Variants in MAPRE2 observed in about 807,000 individuals in gnomAD.
MAPRE2 encodes the protein microtubule associated protein RP/EB family member 2.
MAPRE2 carries 13 observed loss-of-function variants against 43.2 expected under a neutral mutation model. That is an observed-to-expected ratio of 0.30 (90% CI 0.20 to 0.48). MAPRE2 has a LOEUF of 0.48. Among genes scored for constraint, MAPRE2 ranks in the 20% least tolerant of loss-of-function variants. The pLI is 0.99. For missense variants in MAPRE2, 161 were observed against 400.2 expected (o/e 0.40, Z 5.10); for synonymous variants, 135 against 148.8 (o/e 0.91, Z 0.68).
In MAPRE2 at chr18:35,097,450, G is replaced by A. The variant is rs376861378; in HGVS notation, c.255G>A (p.Ala85=). The A allele has an allele frequency of 3.5e-5, 56 of 1,613,472 alleles. No individual in the cohort carries two copies. The highest frequency in any genetic ancestry group is 6.7e-5 in the African/African-American group (5 of 74,882). The change falls in exon 3 of 7, where the codon GCG becomes GCA. Residue 85 remains alanine, a synonymous_variant. Coordinates refer to ENST00000300249, the MANE Select transcript of MAPRE2 (RefSeq NM_014268.4). ...ACTGTTCTTGTTTCTTTCCAGGAGCGGCCTATTGCCAATTCATGGACATGC... is the reference window on the plus strand; with the variant it reads ...ACTGTTCTTGTTTCTTTCCAGGAGCAGCCTATTGCCAATTCATGGACATGC... ...YTKVEQLCSG[A]AYCQFMDMLF...
intron 4 of MAPRE2, among the ~76,000 whole-genome samples, chr18:35,117,335 A>T (rs1909459736): frequency 2.0e-5 from 3 of 152,172 alleles, no homozygotes; most frequent in Admixed American, 2.0e-4. Flanking sequence ...GAGTCTGGAT[A>T]AGATGGTGTT....
At chr18:35,097,217 C>T (rs1420419231) in intron 2 of MAPRE2, among the ~76,000 whole-genome samples, 3 of 152,136 alleles carry the variant, frequency 2.0e-5, no homozygotes, top group Admixed American at 1.3e-4. Flanking sequence ...GTACAATACA[C>T]GGAGTTTAGG....
chr18:35,050,802 T>C (rs1360211103), intron 1 of MAPRE2, among the ~76,000 whole-genome samples: 1 of 152,104 alleles, frequency 6.6e-6, no homozygotes, highest in Non-Finnish European at 1.5e-5. Context: ...GACCCCTGTG[T>C]GTGATGACGG....
chr18:35,121,002 A>G (rs1011651196), intron 4 of MAPRE2, among the ~76,000 whole-genome samples: 1 of 152,180 alleles, frequency 6.6e-6, no homozygotes, highest in Non-Finnish European at 1.5e-5. Flanking sequence ...GCACACGCTC[A>G]TGTTTTTAAT....
chr18:35,134,056 C>CA (rs1910281599), intron 6 of MAPRE2, among the ~76,000 whole-genome samples: 1 of 152,210 alleles, frequency 6.6e-6, no homozygotes, highest in Admixed American at 6.5e-5. Flanking sequence ...GTTTAGCAGA[C>CA]ACCTCTTCTG....
intron 4 of MAPRE2, among the ~76,000 whole-genome samples, chr18:35,115,688 A>G (rs1909380805): frequency 6.6e-6 from 1 of 152,216 alleles, no homozygotes; most frequent in Admixed American, 6.5e-5. Context: ...AAGTTGCTGC[A>G]AAATATATTA....
At chr18:35,083,381 G>T (rs1453049133) in intron 2 of MAPRE2, among the ~76,000 whole-genome samples, 1 of 152,068 alleles carries the variant, frequency 6.6e-6, no homozygotes, top group Non-Finnish European at 1.5e-5. Context: ...CTTCAGAATG[G>T]GTTTCATATG....
chr18:35,086,757 C>T (rs1409960020), intron 2 of MAPRE2, among the ~76,000 whole-genome samples: 1 of 151,710 alleles, frequency 6.6e-6, no homozygotes, highest in Non-Finnish European at 1.5e-5. Context: ...ACTTTCTGAG[C>T]CTTGTTCCCA....
chr18:35,105,841 G>T (rs1327547776), intron 4 of MAPRE2, among the ~76,000 whole-genome samples: 5 of 151,820 alleles, frequency 3.3e-5, no homozygotes, highest in Admixed American at 2.6e-4. Context: ...TCGTTCCATT[G>T]CCTCTCAGTA....
intron 6 of MAPRE2, among the ~76,000 whole-genome samples, chr18:35,134,827 T>C (rs1310816279): frequency 2.0e-5 from 3 of 152,226 alleles, no homozygotes; most frequent in African/African-American, 7.2e-5. Flanking sequence ...AGAACTTCAG[T>C]TTTCTTCTAG....
At chr18:35,037,753 A>G (rs1052081443), upstream of MAPRE2, among the ~76,000 whole-genome samples, 1 of 152,134 alleles carries the variant, frequency 6.6e-6, no homozygotes, top group Non-Finnish European at 1.5e-5. Context: ...GCTAGTTCAC[A>G]GTATTACAGC....
At chr18:35,100,727 T>C (rs1458669334) in intron 3 of MAPRE2, among the ~76,000 whole-genome samples, 1 of 152,178 alleles carries the variant, frequency 6.6e-6, no homozygotes, top group Non-Finnish European at 1.5e-5. Flanking sequence ...ACAACTGGGC[T>C]ACATATTACA....
At chr18:35,037,978 T>TA (rs1007549207), upstream of MAPRE2, among the ~76,000 whole-genome samples, 16 of 152,022 alleles carry the variant, frequency 1.1e-4, no homozygotes, top group African/African-American at 3.6e-4. Context: ...TGCTGAGGAG[T>TA]CACTGGTCTG....
chr18:34,988,246 A>G (rs1344354344), intron 1 of MAPRE2, among the ~76,000 whole-genome samples: 3 of 152,210 alleles, frequency 2.0e-5, no homozygotes, highest in Non-Finnish European at 4.4e-5. Context: ...AAAGTAACAA[A>G]AAGAGTCCAT....
chr18:34,979,674 C>CA (rs957690857), intron 1 of MAPRE2, among the ~76,000 whole-genome samples: 1 of 151,850 alleles, frequency 6.6e-6, no homozygotes, highest in African/African-American at 2.4e-5. Context: ...ATTTTGCATA[C>CA]AAAAAAGTCA....
chr18:35,100,033 A>G (rs1908602057), intron 3 of MAPRE2, among the ~76,000 whole-genome samples: 1 of 152,202 alleles, frequency 6.6e-6, no homozygotes, highest in Non-Finnish European at 1.5e-5. Flanking sequence ...TAATTTCTAT[A>G]GCTTCCATTC....
chr18:35,138,151 G>A (rs1221328483), intron 6 of MAPRE2, among the ~76,000 whole-genome samples: 1 of 152,200 alleles, frequency 6.6e-6, no homozygotes, highest in African/African-American at 2.4e-5. Flanking sequence ...AGTGTGCAGA[G>A]GAAGTGCCAA....
At chr18:35,094,985 G>A (rs1349657975) in intron 2 of MAPRE2, among the ~76,000 whole-genome samples, 3 of 152,098 alleles carry the variant, frequency 2.0e-5, no homozygotes, top group Non-Finnish European at 4.4e-5. Flanking sequence ...TGGGAGGCAG[G>A]GCACTATAGC....
At chr18:35,036,499 C>T (rs1436905044), upstream of MAPRE2, among the ~76,000 whole-genome samples, 2 of 152,172 alleles carry the variant, frequency 1.3e-5, no homozygotes, top group Non-Finnish European at 2.9e-5. Flanking sequence ...TCTGCACCTT[C>T]ATCCTTGCCC....
Sources: gnomAD v4.1 joint callset for allele counts (sites outside exome capture counted in the v4.1 genomes callset) on GRCh38, gnomAD v4.1.1 for gene constraint, MANE v1.5 for transcripts, NCBI Gene and HGNC (gene_info 2026-07-23, HGNC 2026-07-21) for gene names.